Variants in TDRD3 observed in about 807,000 individuals in gnomAD.
TDRD3 encodes tudor domain containing 3, also known as tudor domain-containing protein 3.
Under a neutral mutation model 86.7 loss-of-function variants are expected in TDRD3, and 45 were observed. That is an observed-to-expected ratio of 0.52 (90% CI 0.41 to 0.67). The LOEUF (loss-of-function observed/expected upper bound fraction) is 0.67, where lower values mean the gene tolerates loss of function less well. Among genes scored for constraint, TDRD3 ranks in the 30% least tolerant of loss-of-function variants. The pLI is 0.00. For missense variants in TDRD3, 814 were observed against 889.0 expected, an observed-to-expected ratio of 0.92 and a Z score of 1.07; for synonymous variants, 298 against 301.7, an observed-to-expected ratio of 0.99 and a Z score of 0.13.
At chr13:60,421,891 A>C (rs1954669789) in intron 1 of TDRD3, among the ~76,000 whole-genome samples, 1 of 152,182 alleles carries the variant, frequency 6.6e-6, no homozygotes, top group Non-Finnish European at 1.5e-5. Context: ...AGAAAGATCA[A>C]ATCCACCCTA....
chr13:60,517,372 A>T (rs561687196), intron 10 of TDRD3, among the ~76,000 whole-genome samples: 1 of 152,242 alleles, frequency 6.6e-6, no homozygotes, highest in East Asian at 1.9e-4. Flanking sequence ...GCTAGATGTT[A>T]TTGTGAGGGA....
chr13:60,486,352 G>C (rs866398921), intron 7 of TDRD3, among the ~76,000 whole-genome samples: 1 of 152,120 alleles, frequency 6.6e-6, no homozygotes, highest in Non-Finnish European at 1.5e-5. Flanking sequence ...TCTGAGAGAT[G>C]AATAAAAATC....
chr13:60,460,332 A>T (rs761912448), intron 3 of TDRD3, 48 bp from the exon 4 acceptor site: 1 of 1,498,474 alleles, frequency 6.7e-7, no homozygotes, highest in Non-Finnish European at 8.9e-7. Flanking sequence ...AGCCCTGAAT[A>T]GAGTTTCATG....
intron 4 of TDRD3, among the ~76,000 whole-genome samples, chr13:60,464,571 TACACACACAC>T (rs910404597): frequency 4.7e-5 from 7 of 148,088 alleles, no homozygotes; most frequent in Non-Finnish European, 1.0e-4. Flanking sequence ...TGTATACACA[TACACACACAC>T]ACATACACAC....
At chr13:60,555,010 CT>C (rs763969200) in intron 12 of TDRD3, among the ~76,000 whole-genome samples, 2 of 152,030 alleles carry the variant, frequency 1.3e-5, no homozygotes, top group Non-Finnish European at 2.9e-5. Context: ...TTCAATTTTC[CT>C]TTATCTAAGT....
intron 5 of TDRD3, among the ~76,000 whole-genome samples, chr13:60,470,708 G>T (rs1251808133): frequency 6.7e-6 from 1 of 150,098 alleles, no homozygotes; most frequent in African/African-American, 2.5e-5. Context: ...TCAGCCTCCC[G>T]AGTAGCTGGG....
At chr13:60,554,994 A>C (rs1442804848) in intron 12 of TDRD3, among the ~76,000 whole-genome samples, 1 of 152,210 alleles carries the variant, frequency 6.6e-6, no homozygotes, top group African/African-American at 2.4e-5. Context: ...CAGATGATAC[A>C]TGTCATTCAA....
At chr13:60,416,623 T>C (rs985318288) in intron 1 of TDRD3, among the ~76,000 whole-genome samples, 6 of 152,250 alleles carry the variant, frequency 3.9e-5, no homozygotes, top group African/African-American at 9.6e-5. Flanking sequence ...GTCTTACTTA[T>C]AGCTACTGTT....
chr13:60,439,232 G>C (rs1449097791), intron 1 of TDRD3, among the ~76,000 whole-genome samples: 2 of 152,132 alleles, frequency 1.3e-5, no homozygotes. Flanking sequence ...TGAAAGAAAG[G>C]GGACTTGAGA....
intron 4 of TDRD3, among the ~76,000 whole-genome samples, chr13:60,466,598 G>A (rs996319055): frequency 6.6e-6 from 1 of 152,002 alleles, no homozygotes; most frequent in African/African-American, 2.4e-5. Flanking sequence ...GACCACCCTG[G>A]CCAACATAGT....
intron 3 of TDRD3, among the ~76,000 whole-genome samples, chr13:60,449,967 C>A (rs184306953): frequency 6.6e-6 from 1 of 151,930 alleles, no homozygotes; most frequent in African/African-American, 2.4e-5. Context: ...CTAGGAGAAC[C>A]CTGGTTTTTA....
chr13:60,494,309 A>T, intron 7 of TDRD3, 126 bp from the exon 8 acceptor site: 1 of 1,055,656 alleles, frequency 9.5e-7, no homozygotes, highest in Non-Finnish European at 1.3e-6. Flanking sequence ...TTAATATTTT[A>T]TTTTTTCATG....
At chr13:60,556,786 G>A (rs1452224788) in intron 12 of TDRD3, among the ~76,000 whole-genome samples, 2 of 152,110 alleles carry the variant, frequency 1.3e-5, no homozygotes, top group African/African-American at 2.4e-5. Flanking sequence ...TCAAGATGAT[G>A]GAGATTCTGG....
chr13:60,559,813 T>C (rs1958290498), intron 12 of TDRD3, among the ~76,000 whole-genome samples: 1 of 152,170 alleles, frequency 6.6e-6, no homozygotes, highest in Non-Finnish European at 1.5e-5. Context: ...GAAGATTTAA[T>C]GTACAAAACA....
At chr13:60,516,653 A>G (rs1463981508) in intron 10 of TDRD3, among the ~76,000 whole-genome samples, 1 of 152,178 alleles carries the variant, frequency 6.6e-6, no homozygotes, top group African/African-American at 2.4e-5. Flanking sequence ...TAGTGACAGC[A>G]CCTATTGTAG....
In TDRD3 at chr13:60,491,636, C is replaced by G. The variant is rs532251680; in HGVS notation, c.718-2799C>G. Among the ~76,000 whole-genome samples, 9 of 152,218 alleles carry G rather than the reference C, an allele frequency of 5.9e-5. No individual in the cohort carries two copies. In the South Asian group the frequency reaches 1.7e-3, roughly 28 times the overall value. The stretch of plus-strand genomic sequence containing the variant: ...TGAGGACTTAGAATTAATATAGAAT[C>G]GAGGAAGTTGTTTATTCCATCCTCA... On this transcript the variant is annotated intron_variant, in intron 7 of 13. Transcript: ENST00000377881.
At position 60,528,701 on chromosome 13, in the gene TDRD3, T is replaced by C. The variant is rs1957508419; in HGVS notation, c.1476T>C (p.Ser492=). Residue 492 remains serine, a synonymous_variant, in exon 11 of 14, where the codon AGT becomes AGC. Coordinates refer to ENST00000377881, the MANE Select transcript of TDRD3 (RefSeq NM_001146070.2). The part of the protein sequence containing the change: ...DTSYPLGSQH[S]DGAFKKRDNS... ...CATATCCTTTAGGTTCTCAGCATAG[T>C]GATGGTGCTTTTAAAAAAAGAGATA... is the stretch of plus-strand genomic sequence containing the variant. The C allele has an allele frequency of 6.2e-7, 1 of 1,612,190 alleles. No individual in the cohort carries two copies. The highest frequency in any genetic ancestry group is 1.3e-5 in the African/African-American group (1 of 74,752).
At chr13:60,487,801 C>G (rs1449078742) in intron 7 of TDRD3, among the ~76,000 whole-genome samples, 1 of 152,150 alleles carries the variant, frequency 6.6e-6, no homozygotes, top group Non-Finnish European at 1.5e-5. Context: ...TGGGATTGCT[C>G]AATCATATGC....
intron 1 of TDRD3, among the ~76,000 whole-genome samples, chr13:60,398,935 A>C (rs1206150159): frequency 6.6e-6 from 1 of 152,082 alleles, no homozygotes; most frequent in Non-Finnish European, 1.5e-5. Flanking sequence ...CCCATTTCTC[A>C]TTAGGTTGAG....
Sources: allele counts gnomAD v4.1 joint callset (sites outside exome capture counted in the v4.1 genomes callset), GRCh38; gene constraint gnomAD v4.1.1; transcripts MANE v1.5; gene names NCBI Gene and HGNC (gene_info 2026-07-23, HGNC 2026-07-21).